AXDND1: variants seen among roughly 807,000 people sequenced by gnomAD.
AXDND1 encodes the protein axonemal dynein light chain domain containing 1.
In AXDND1, 110 loss-of-function variants were observed where a neutral mutation model predicts 137.5. That is an observed-to-expected ratio of 0.80 (90% CI 0.69 to 0.94). The LOEUF (loss-of-function observed/expected upper bound fraction) is 0.94. Among genes scored for constraint, AXDND1 ranks in the 40% least tolerant of loss-of-function variants. AXDND1 has a pLI of 0.00. For missense variants in AXDND1, 1,191 were observed against 1,169.8 expected, an observed-to-expected ratio of 1.02 and a Z score of -0.26; for synonymous variants, 414 against 399.7, an observed-to-expected ratio of 1.04 and a Z score of -0.43.
intron 20 of AXDND1, among the ~76,000 whole-genome samples, chr1:179,501,123 C>T (rs1277730621): frequency 2.0e-5 from 3 of 152,134 alleles, no homozygotes. Context: ...CAGCACTAAT[C>T]TAGGTGTCAC....
chr1:179,479,052 A>C (rs1664989716), intron 17 of AXDND1, among the ~76,000 whole-genome samples: 1 of 152,114 alleles, frequency 6.6e-6, no homozygotes, highest in South Asian at 2.1e-4. Context: ...GTGAGCCAAG[A>C]TCAAACCACT....
intron 11 of AXDND1, among the ~76,000 whole-genome samples, chr1:179,398,084 A>T (rs1651347819): frequency 6.6e-6 from 1 of 152,054 alleles, no homozygotes; most frequent in African/African-American, 2.4e-5. Flanking sequence ...GAGTTGTCAG[A>T]GTCCTTGTGT....
chr1:179,474,962 C>T lies in AXDND1; in HGVS notation c.1997+6321C>T, dbSNP rs1409959473. Among the ~76,000 whole-genome samples, 2 of 152,246 alleles carry T rather than the reference C, an allele frequency of 1.3e-5. 1 individual carries two copies. The highest frequency in any genetic ancestry group is 2.9e-5 in the Non-Finnish European group (2 of 68,042). On this transcript the variant is annotated intron_variant, in intron 17 of 25. Coordinates refer to ENST00000367618, the MANE Select transcript of AXDND1 (RefSeq NM_144696.6). The stretch of plus-strand genomic sequence containing the variant: ...TCTGTGAAGCCTTGGGACATGGCGT[C>T]CTGTGTCCCAGCCACTTCAGCTCCA...
rs570978054 is a variant in AXDND1, at chr1:179,445,920, A to G, written c.1798+716A>G. ...TATCTTTAACTTTTTGAAGCCTGCC[A>G]CACTGTTTTCAAGGAGGCTGCATCA... On this transcript the variant is annotated intron_variant, in intron 16 of 25. Coordinates refer to ENST00000367618, the MANE Select transcript of AXDND1 (RefSeq NM_144696.6). 4.5e-4 allele frequency among the ~76,000 whole-genome samples: 68 copies of G among 152,270 alleles called. No individual in the cohort carries two copies. The South Asian group carries it at 4.8e-3, about 11-fold the overall frequency.
In AXDND1 at chr1:179,407,272, G is replaced by T. The variant is rs557039796; in HGVS notation, c.1110-3874G>T. Reference sequence around the variant, plus strand: ...GAGATGGAGTCTTGCTCTGTCACCAGAATGGAGTGTAGTGGTGTGATCTCA... The same window carrying T: ...GAGATGGAGTCTTGCTCTGTCACCATAATGGAGTGTAGTGGTGTGATCTCA... On this transcript the variant is annotated intron_variant, in intron 11 of 25. Transcript: ENST00000367618. Among the ~76,000 whole-genome samples the T allele has an allele frequency of 3.3e-5, 5 of 151,262 alleles. No homozygotes were observed. The South Asian group carries it at 8.4e-4, about 25-fold the overall frequency.
chr1:179,458,185 A>G (rs1288210668), intron 16 of AXDND1, among the ~76,000 whole-genome samples: 1 of 151,568 alleles, frequency 6.6e-6, no homozygotes, highest in Admixed American at 6.6e-5. Context: ...GTTTCATCAT[A>G]TTGTCCAGGC....
intron 16 of AXDND1, chr1:179,455,501 G>C (rs1305629314): frequency 6.6e-6 from 1 of 150,900 alleles, no homozygotes; most frequent in African/African-American, 2.4e-5. Context: ...GGCTGAGGCA[G>C]GAGAATGGCG....
chr1:179,438,814 C>G (rs145251566), intron 15 of AXDND1, among the ~76,000 whole-genome samples: 3 of 152,300 alleles, frequency 2.0e-5, no homozygotes, highest in African/African-American at 7.2e-5. Flanking sequence ...CCAAAAAAAG[C>G]GACTGTGTCG....
At chr1:179,497,942 A>G (rs1667615782) in intron 20 of AXDND1, among the ~76,000 whole-genome samples, 1 of 152,194 alleles carries the variant, frequency 6.6e-6, no homozygotes, top group Non-Finnish European at 1.5e-5. Context: ...CTAGGAATAC[A>G]TCTAGCCAAG....
chr1:179,415,216 T>C (rs11585742), intron 12 of AXDND1, among the ~76,000 whole-genome samples: 97,580 of 151,768 alleles, frequency 0.64, 31,745 homozygotes, highest in Middle Eastern at 0.7. Context: ...TTGGCGGGTG[T>C]CTGTAGTCCC....
At chr1:179,471,206 C>T (rs4652394) in intron 17 of AXDND1, among the ~76,000 whole-genome samples, 69,415 of 151,918 alleles carry the variant, frequency 0.46, 16,735 homozygotes, top group East Asian at 0.76. Flanking sequence ...GTGATGTCTT[C>T]GCCTGGTGTT....
At position 179,475,826 on chromosome 1, in the gene AXDND1, C is replaced by T. The variant is rs541534442; in HGVS notation, c.1997+7185C>T. On this transcript the variant is annotated intron_variant, in intron 17 of 25. Coordinates refer to ENST00000367618, the MANE Select transcript of AXDND1 (RefSeq NM_144696.6). ...AGAATAATATGCTTTGGCTCTGTTT[C>T]CCTACCCAAATCTCATCTTGAATTG... is the stretch of plus-strand genomic sequence containing the variant. Among the ~76,000 whole-genome samples, 4 of 152,248 alleles carry T rather than the reference C, an allele frequency of 2.6e-5. 1 individual carries two copies. In the South Asian group the frequency reaches 6.2e-4, roughly 24 times the overall value.
intron 21 of AXDND1, among the ~76,000 whole-genome samples, chr1:179,519,700 G>A (rs181742834): frequency 1.1e-4 from 16 of 152,092 alleles, no homozygotes; most frequent in African/African-American, 2.4e-4. Context: ...ATGGTTTGTC[G>A]GTGTGAAGTC....
chr1:179,482,181 A>G (rs12141674), intron 17 of AXDND1, among the ~76,000 whole-genome samples: 77,677 of 143,132 alleles, frequency 0.54, 21,148 homozygotes, highest in East Asian at 0.77. Flanking sequence ...CTGGGGGTAG[A>G]GACAATGGAA....
chr1:179,533,341 TC>T (rs1485537413), intron 23 of AXDND1, among the ~76,000 whole-genome samples: 5 of 152,134 alleles, frequency 3.3e-5, no homozygotes, highest in Non-Finnish European at 1.5e-5. Flanking sequence ...ATTTATGAAG[TC>T]CCCTAAGGAA....
At chr1:179,418,701 C>G (rs1184998620) in intron 12 of AXDND1, among the ~76,000 whole-genome samples, 1 of 151,008 alleles carries the variant, frequency 6.6e-6, no homozygotes, top group Non-Finnish European at 1.5e-5. Context: ...GACGGGGCGG[C>G]TGGCCGGGCG....
At chr1:179,411,853 T>A (rs1042810422) in intron 12 of AXDND1, among the ~76,000 whole-genome samples, 1 of 152,038 alleles carries the variant, frequency 6.6e-6, no homozygotes, top group Non-Finnish European at 1.5e-5. Flanking sequence ...GATTCTCTTT[T>A]TTTTTTAAAA....
At chr1:179,389,434 G>C (rs539303799) in intron 9 of AXDND1, among the ~76,000 whole-genome samples, 1 of 152,222 alleles carries the variant, frequency 6.6e-6, no homozygotes, top group South Asian at 2.1e-4. Context: ...TTGGCCATGG[G>C]ATCCTCAGGG....
At chr1:179,466,282 C>CTT (rs1491121382) in intron 16 of AXDND1, among the ~76,000 whole-genome samples, 4,587 of 95,162 alleles carry the variant, frequency 0.048, 411 homozygotes, top group African/African-American at 0.19. Flanking sequence ...TCTTCTTCTT[C>CTT]TTCTTTTTTT....
Sources: gnomAD v4.1 joint callset for allele counts (sites outside exome capture counted in the v4.1 genomes callset) on GRCh38, gnomAD v4.1.1 for gene constraint, MANE v1.5 for transcripts, NCBI Gene and HGNC (gene_info 2026-07-23, HGNC 2026-07-21) for gene names.